The following CADM2 variants were observed in gnomAD, a reference collection of about 807,000 sequenced individuals.
The protein encoded by CADM2 is cell adhesion molecule 2.
In CADM2, 12 loss-of-function variants were observed where a neutral mutation model predicts 49.8. The observed-to-expected ratio is 0.24, with a 90% CI of 0.15 to 0.39. CADM2 has a LOEUF of 0.39. Among genes scored for constraint, CADM2 ranks in the 10% least tolerant of loss-of-function variants. The probability of loss-of-function intolerance (pLI) is 1.00; values close to 1 mark genes in which losing one functional copy is unlikely to be tolerated. For synonymous variants in CADM2, 214 were observed against 175.4 expected, an observed-to-expected ratio of 1.22 and a Z score of -1.74; for missense variants, 378 against 492.3, an observed-to-expected ratio of 0.77 and a Z score of 2.20.
intron 1 of CADM2, among the ~76,000 whole-genome samples, chr3:85,477,347 T>G (rs2039019916): frequency 6.6e-6 from 1 of 151,364 alleles, no homozygotes; most frequent in Non-Finnish European, 1.5e-5. Flanking sequence ...CTTGTCAACA[T>G]TCTTACATAT....
At chr3:85,668,086 G>A (rs2065624796) in intron 1 of CADM2, among the ~76,000 whole-genome samples, 1 of 151,712 alleles carries the variant, frequency 6.6e-6, no homozygotes, top group Non-Finnish European at 1.5e-5. Context: ...CGTTTTTATA[G>A]CAAGTTTTCC....
At chr3:85,473,991 C>T (rs1201097536) in intron 1 of CADM2, among the ~76,000 whole-genome samples, 1 of 151,318 alleles carries the variant, frequency 6.6e-6, no homozygotes, top group Non-Finnish European at 1.5e-5. Flanking sequence ...TCTTGCATTC[C>T]CTAAATATTG....
At chr3:85,740,340 C>A (rs1015131223) in intron 2 of CADM2, among the ~76,000 whole-genome samples, 1 of 152,128 alleles carries the variant, frequency 6.6e-6, no homozygotes, top group African/African-American at 2.4e-5. Context: ...CTTGGTCCAA[C>A]AGCTTCAGTA....
intron 3 of CADM2, among the ~76,000 whole-genome samples, chr3:85,819,054 C>T (rs1041908612): frequency 2.6e-5 from 4 of 152,018 alleles, no homozygotes; most frequent in Non-Finnish European, 5.9e-5. Context: ...GACAGTGCAG[C>T]CTTCAGTCTG....
At chr3:85,846,247 G>A (rs757526021) in intron 3 of CADM2, among the ~76,000 whole-genome samples, 10 of 152,050 alleles carry the variant, frequency 6.6e-5, no homozygotes, top group Admixed American at 1.3e-4. Flanking sequence ...TTCTAGCGTT[G>A]CATTTAATAT....
chr3:84,996,632 A>G (rs1475995728), intron 1 of CADM2, among the ~76,000 whole-genome samples: 1 of 152,128 alleles, frequency 6.6e-6, no homozygotes, highest in East Asian at 1.9e-4. Context: ...TAATTTATCC[A>G]TGTCTTTATA....
intron 8 of CADM2, among the ~76,000 whole-genome samples, chr3:86,061,766 A>T (rs1738681410): frequency 6.6e-6 from 1 of 152,194 alleles, no homozygotes; most frequent in Non-Finnish European, 1.5e-5. Flanking sequence ...GCAAAATTTA[A>T]ATAGAAAAAT....
At chr3:85,449,477 T>C (rs1037473030) in intron 1 of CADM2, among the ~76,000 whole-genome samples, 1 of 152,140 alleles carries the variant, frequency 6.6e-6, no homozygotes, top group African/African-American at 2.4e-5. Flanking sequence ...TAAATAGTTT[T>C]AAGCTACAGA....
At chr3:85,855,651 G>A (rs1345523780) in intron 3 of CADM2, among the ~76,000 whole-genome samples, 1 of 129,108 alleles carries the variant, frequency 7.7e-6, no homozygotes, top group Non-Finnish European at 1.8e-5. Context: ...TTTTGAGACG[G>A]AGTTTCGCAC....
intron 3 of CADM2, among the ~76,000 whole-genome samples, chr3:85,824,529 C>T (rs965772288): frequency 1.3e-5 from 2 of 152,056 alleles, no homozygotes; most frequent in Non-Finnish European, 2.9e-5. Context: ...ACTGTTGTCT[C>T]TGAGGAATTA....
chr3:85,794,578 A>G (rs955473710), intron 2 of CADM2, among the ~76,000 whole-genome samples: 1 of 152,124 alleles, frequency 6.6e-6, no homozygotes, highest in Non-Finnish European at 1.5e-5. Flanking sequence ...AAGATTCCCA[A>G]CTGAAAGTTT....
intron 1 of CADM2, among the ~76,000 whole-genome samples, chr3:85,322,358 C>T (rs2044637161): frequency 6.6e-6 from 1 of 152,102 alleles, no homozygotes; most frequent in Admixed American, 6.6e-5. Context: ...CATGCAAAAC[C>T]TAGGGCATGG....
At chr3:85,463,469 C>G (rs2038347369) in intron 1 of CADM2, among the ~76,000 whole-genome samples, 1 of 152,106 alleles carries the variant, frequency 6.6e-6, no homozygotes, top group Non-Finnish European at 1.5e-5. Context: ...CCTACTTCCT[C>G]AGAGTCTGTT....
At chr3:85,369,723 G>A (rs2033059459) in intron 1 of CADM2, among the ~76,000 whole-genome samples, 1 of 152,036 alleles carries the variant, frequency 6.6e-6, no homozygotes. Context: ...CTAATCTATG[G>A]AGGTATTAAA....
chr3:86,047,450 A>G (rs577329191), intron 8 of CADM2, among the ~76,000 whole-genome samples: 90 of 152,272 alleles, frequency 5.9e-4, no homozygotes, highest in Non-Finnish European at 9.6e-4. Context: ...AGTCCTTATT[A>G]ATGTCTCCAG....
chr3:85,394,359 A>G (rs1386485310), intron 1 of CADM2, among the ~76,000 whole-genome samples: 1 of 152,178 alleles, frequency 6.6e-6, no homozygotes, highest in Admixed American at 6.5e-5. Context: ...TCCTGTTTCC[A>G]TAATAAGGTA....
intron 1 of CADM2, among the ~76,000 whole-genome samples, chr3:85,308,407 C>T (rs1403454146): frequency 6.6e-6 from 1 of 151,690 alleles, no homozygotes; most frequent in Non-Finnish European, 1.5e-5. Context: ...TTCTCTTCAG[C>T]TCTATTAAGT....
At chr3:85,956,763 A>G (rs1049629721) in intron 7 of CADM2, among the ~76,000 whole-genome samples, 2 of 151,450 alleles carry the variant, frequency 1.3e-5, no homozygotes, top group African/African-American at 4.8e-5. Flanking sequence ...GACATATCTG[A>G]ATTTAACTAC....
intron 1 of CADM2, among the ~76,000 whole-genome samples, chr3:85,174,885 C>G (rs998543079): frequency 6.6e-6 from 1 of 152,048 alleles, no homozygotes; most frequent in Admixed American, 6.6e-5. Context: ...ATTCTAGACA[C>G]AAGAGATTGT....
Sources: gnomAD v4.1 joint callset for allele counts (sites outside exome capture counted in the v4.1 genomes callset) on GRCh38, gnomAD v4.1.1 for gene constraint, MANE v1.5 for transcripts, NCBI Gene and HGNC (gene_info 2026-07-23, HGNC 2026-07-21) for gene names.